B4GALNT4: variants seen among roughly 807,000 people sequenced by gnomAD.
B4GALNT4 encodes the protein beta-1,4-N-acetyl-galactosaminyltransferase 4.
In B4GALNT4, 77 loss-of-function variants were observed where a neutral mutation model predicts 110.0. The ratio of observed to expected loss-of-function variants is 0.70; its 90% CI spans 0.58 to 0.85. The LOEUF is 0.85. B4GALNT4 is among the 40% of genes least tolerant of loss of function. The probability of loss-of-function intolerance (pLI) is 0.00; values close to 1 mark genes in which losing one functional copy is unlikely to be tolerated. For synonymous variants in B4GALNT4, 785 were observed against 655.5 expected (o/e 1.20, Z -3.02); for missense variants, 1,575 against 1,506.0 (o/e 1.05, Z -0.76).
At chr11:373,414 C>T (rs775167824) in intron 6 of B4GALNT4, 35 bp from the exon 7 acceptor site, 5 of 1,111,176 alleles carry the variant, frequency 4.5e-6, no homozygotes, top group South Asian at 1.3e-5. Flanking sequence ...GTGAACCCCC[C>T]CCCCCACCAC....
In B4GALNT4 at chr11:380,528, C is replaced by G. The variant is rs986872715; in HGVS notation, c.2869+83C>G. ...AAGTCCAGGAACCCGGGGCCTCTCT[C>G]AATTCCCAGGGGAGGCCTGGGAGTC... On this transcript the variant is annotated intron_variant, in intron 18 of 19. Transcript: ENST00000329962. 3.2e-5 allele frequency: 48 copies of G among 1,512,168 alleles called. No homozygotes were observed. In the South Asian group the frequency reaches 4.7e-4, roughly 15 times the overall value. 93.7% of individuals were successfully genotyped at this position (1,512,168 alleles called of 1,614,324 possible). A position where few individuals can be genotyped will look rare whatever the true frequency, so the allele number is the denominator to read the frequency against.
chr11:378,771 A>T (rs1399261942), intron 14 of B4GALNT4, among the ~76,000 whole-genome samples: 1 of 152,094 alleles, frequency 6.6e-6, no homozygotes, highest in Non-Finnish European at 1.5e-5. Context: ...CCCAGCATGG[A>T]AGCAGCCTCC....
intron 16 of B4GALNT4, 21 bp from the exon 17 acceptor site, chr11:380,109 C>A: frequency 1.3e-6 from 2 of 1,595,914 alleles, no homozygotes; most frequent in Non-Finnish European, 1.7e-6. Context: ...AGAGATCGTG[C>A]CTGTGACTCG....
Position 376,997 on chromosome 11 carries a change from T to C in B4GALNT4, c.1874T>C (p.Val625Ala). ...DSNLSSEARP[V>A]TSFLSLSQVS... ...AACTTGTCCTCCGAAGCGCGGCCCG[T>C]GACCTCCTTCCTGAGCTTGTCCCAG... The change falls in exon 14 of 20, where the codon GTG becomes GCG. Residue 625 changes from valine (V) to alanine (A), a missense_variant. Transcript: ENST00000329962. The C allele has an allele frequency of 6.9e-7, 1 of 1,453,894 alleles. No individual in the cohort carries two copies. The highest frequency in any genetic ancestry group is 2.8e-5 in the East Asian group (1 of 35,838). 90.1% of individuals were successfully genotyped at this position (1,453,894 alleles called of 1,614,324 possible).
chr11:381,573 G>C (rs1358307315), intron 19 of B4GALNT4, 96 bp from the exon 20 acceptor site: 1 of 569,692 alleles, frequency 1.8e-6, no homozygotes, highest in Non-Finnish European at 2.8e-6. Flanking sequence ...CCGGCCCCGG[G>C]TTCCTGACCA....
At chr11:373,408 ACCC>A in intron 6 of B4GALNT4, 38 bp from the exon 7 acceptor site, 10 of 808,108 alleles carry the variant, frequency 1.2e-5, no homozygotes, top group South Asian at 1.5e-5. Context: ...GAGAGAGTGA[ACCC>A]CCCCCCCCAC....
Position 379,995 on chromosome 11 carries a change from C to G in B4GALNT4, c.2618C>G (p.Ala873Gly), listed in dbSNP as rs1370580496. The G allele has an allele frequency of 6.2e-7, 1 of 1,612,804 alleles. No homozygotes were observed. Among genetic ancestry groups the G allele is most frequent in the Non-Finnish European group, 8.5e-7 (1 of 1,179,700 alleles). The change falls in exon 16 of 20, where the codon GCC (alanine) becomes GGC (glycine). Residue 873 changes from alanine to glycine, a missense_variant. By Grantham distance (60) the Ala-to-Gly change is moderately conservative. Transcript: ENST00000329962. Reference sequence around the variant, plus strand: ...AGCGAGGATATGGACGTGGAGCGGGCCCTGCGCGCCGCGCGCCTGCCCCGG... The same window carrying G: ...AGCGAGGATATGGACGTGGAGCGGGGCCTGCGCGCCGCGCGCCTGCCCCGG... ...FESEDMDVER[A>G]LRAARLPRYQ...
chr11:376,092 T>C lies in B4GALNT4; in HGVS notation c.1114T>C (p.Tyr372His). ...CCCCCAGGTGTACCTGTCCTTCGTTTATCCCAACGACTACACTCGCCTCAC... is the reference window on the plus strand; with the variant it reads ...CCCCCAGGTGTACCTGTCCTTCGTTCATCCCAACGACTACACTCGCCTCAC... ...GLQFVYLSFVYPNDYTRLTHM... is the reference protein window; with the variant it reads ...GLQFVYLSFVHPNDYTRLTHM... Residue 372 changes from tyrosine to histidine, a missense_variant, in exon 12 of 20, where the codon TAT becomes CAT. By Grantham distance (83) the Tyr-to-His change is moderately conservative (BLOSUM62 2). Transcript: ENST00000329962. 2 of 1,610,840 alleles carry C rather than the reference T, an allele frequency of 1.2e-6. No individual in the cohort carries two copies. The highest frequency in any genetic ancestry group is 1.7e-6 in the Non-Finnish European group (2 of 1,178,734).
Position 373,528 on chromosome 11 carries a change from T to G in B4GALNT4, c.704+12T>G, listed in dbSNP as rs886617605. On this transcript the variant is annotated intron_variant, in intron 7 of 19. Transcript: ENST00000329962. ...TCCAAGCCCAGGCGGTGAGTGACTG[T>G]GGGGTGCATGTGCGTGCACTTGTGT... 3.1e-6 allele frequency: 5 copies of G among 1,611,040 alleles called. No individual in the cohort carries two copies. The African/African-American group carries it at 5.4e-5, about 17-fold the overall frequency.
Position 373,624 on chromosome 11 carries a change from G to T in B4GALNT4, c.704+108G>T, listed in dbSNP as rs921340107. On this transcript the variant is annotated intron_variant, in intron 7 of 19. Coordinates refer to ENST00000329962, the MANE Select transcript of B4GALNT4 (RefSeq NM_178537.5). ...TTGCGCACACTCTGCACGAGCACCCGCCCGGCCAAGCTGCCATCCTCCTGA... is the reference window on the plus strand; with the variant it reads ...TTGCGCACACTCTGCACGAGCACCCTCCCGGCCAAGCTGCCATCCTCCTGA... The T allele has an allele frequency of 2.6e-6, 4 of 1,515,436 alleles. No homozygotes were observed. In the Admixed American group the frequency reaches 6.7e-5, roughly 26 times the overall value. 93.9% of individuals were successfully genotyped at this position (1,515,436 alleles called of 1,614,324 possible).
intron 7 of B4GALNT4, 86 bp downstream of exon 7, chr11:373,602 C>T (rs934529513): frequency 1.1e-4 from 164 of 1,524,728 alleles, no homozygotes; most frequent in East Asian, 3.8e-4. Context: ...TGCACACTTG[C>T]GCACACTCTG....
Position 376,056 on chromosome 11 carries a change from C to G in B4GALNT4, c.1096-18C>G. 2 of 1,591,036 alleles carry G rather than the reference C, an allele frequency of 1.3e-6. No individual in the cohort carries two copies. Among genetic ancestry groups the G allele is most frequent in the Non-Finnish European group, 1.7e-6 (2 of 1,161,122 alleles). On this transcript the variant is annotated intron_variant, in intron 11 of 19. Transcript: ENST00000329962. ...CGGGAGGTCCGCGCCCTGAGCCCTG[C>G]GCCCCCCCACCCCCCAGGTGTACCT...
At chr11:381,184 T>G in intron 19 of B4GALNT4, 14 of 974,912 alleles carry the variant, frequency 1.4e-5, no homozygotes, top group South Asian at 4.8e-5. Flanking sequence ...GAACCAGCTC[T>G]GCCCCCGATC....
intron 19 of B4GALNT4, 26 bp from the exon 20 acceptor site, chr11:381,643 G>T: frequency 3.2e-6 from 5 of 1,566,172 alleles, no homozygotes; most frequent in Non-Finnish European, 4.3e-6. Flanking sequence ...CCGGGGTCCT[G>T]ACCACCTCTC....
At chr11:377,379 C>T (rs775933486) in intron 14 of B4GALNT4, 52 bp downstream of exon 14, 5 of 1,439,664 alleles carry the variant, frequency 3.5e-6, no homozygotes, top group South Asian at 1.4e-5. Context: ...CGGGGACAGC[C>T]GGGGAGAGGA....
At chr11:377,414 A>AG (rs1846782009) in intron 14 of B4GALNT4, 87 bp downstream of exon 14, 1 of 1,361,058 alleles carries the variant, frequency 7.3e-7, no homozygotes, top group African/African-American at 1.5e-5. Flanking sequence ...CGGACTCCTC[A>AG]GACCTTCCCC....
intron 2 of B4GALNT4, 43 bp from the exon 3 acceptor site, chr11:372,619 C>T (rs767831419): frequency 7.2e-6 from 11 of 1,530,660 alleles, no homozygotes; most frequent in Admixed American, 5.2e-5. Context: ...GACCTCCTCC[C>T]TGCCCTTCCA....
Position 369,742 on chromosome 11 carries a change from G to C in B4GALNT4, c.-62G>C. On this transcript the variant is annotated 5_prime_UTR_variant, in exon 1 of 20. Transcript: ENST00000329962. ...GGGCCGGGGATGCGGCGCGGGGCGG[G>C]CGGGGGCCGGGGGCTGCAGCGGCGC... The C allele has an allele frequency of 4.7e-6, 4 of 852,456 alleles. No individual in the cohort carries two copies. Among genetic ancestry groups the C allele is most frequent in the Non-Finnish European group, 5.6e-6 (4 of 711,952 alleles). The allele number at this position is 852,456 out of a possible 1,614,324, so 52.8% of individuals were successfully genotyped here.
rs932516212 is a variant in B4GALNT4, at chr11:371,474, T to A, written c.152-635T>A. On this transcript the variant is annotated intron_variant, in intron 1 of 19. Coordinates refer to ENST00000329962, the MANE Select transcript of B4GALNT4 (RefSeq NM_178537.5). ...GGTTCCACGCCCTGGGATCTGAGCA[T>A]CTGTAGGGATGCTTCTCTTCACCCC... is the stretch of plus-strand genomic sequence containing the variant. Among the ~76,000 whole-genome samples the A allele has an allele frequency of 2.0e-5, 3 of 152,192 alleles. No individual in the cohort carries two copies. The East Asian group carries it at 5.8e-4, about 29-fold the overall frequency.
Sources: allele counts gnomAD v4.1 joint callset (sites outside exome capture counted in the v4.1 genomes callset), GRCh38; gene constraint gnomAD v4.1.1; transcripts MANE v1.5; gene names NCBI Gene and HGNC (gene_info 2026-07-23, HGNC 2026-07-21).